The following PTPRD variants were observed in gnomAD, a reference collection of about 807,000 sequenced individuals.
The protein encoded by PTPRD is receptor-type tyrosine-protein phosphatase delta.
In PTPRD, 34 loss-of-function variants were observed where a neutral mutation model predicts 214.5. That is an observed-to-expected ratio of 0.16 (90% confidence interval 0.12 to 0.21). PTPRD has a LOEUF of 0.21. Among genes scored for constraint, PTPRD ranks in the 10% least tolerant of loss-of-function variants. The pLI is 1.00. For missense variants in PTPRD, 2,545 were observed against 2,398.7 expected (o/e 1.06, Z -1.27); for synonymous variants, 1,128 against 845.7 (o/e 1.33, Z -5.79).
At chr9:8,486,412 C>A in intron 27 of PTPRD, 63 bp from the exon 28 acceptor site, 1 of 1,356,930 alleles carries the variant, frequency 7.4e-7, no homozygotes, top group Non-Finnish European at 1.1e-6. Flanking sequence ...TCAGTCATTG[C>A]CAAATGAGGG....
At chr9:10,348,185 C>G (rs1378098368) in intron 2 of PTPRD, among the ~76,000 whole-genome samples, 1 of 152,200 alleles carries the variant, frequency 6.6e-6, no homozygotes, top group African/African-American at 2.4e-5. Context: ...CTCTCTCCTT[C>G]CCAGTTATCC....
intron 9 of PTPRD, among the ~76,000 whole-genome samples, chr9:9,237,430 TACA>T (rs1440366374): frequency 6.6e-6 from 1 of 152,010 alleles, no homozygotes; most frequent in Non-Finnish European, 1.5e-5. Context: ...ACCCTATCTT[TACA>T]ACAACACCAC....
intron 33 of PTPRD, among the ~76,000 whole-genome samples, chr9:8,450,591 G>A (rs2095898990): frequency 6.6e-6 from 1 of 152,158 alleles, no homozygotes; most frequent in South Asian, 2.1e-4. Context: ...CATTGACAGT[G>A]CCTTGTTATA....
intron 2 of PTPRD, among the ~76,000 whole-genome samples, chr9:10,595,466 C>T (rs1448926039): frequency 2.0e-5 from 3 of 151,554 alleles, no homozygotes; most frequent in Non-Finnish European, 3.0e-5. Context: ...CAAAGTAGGA[C>T]CCTTTAAAAC....
chr9:9,910,087 T>A (rs1443080966), intron 5 of PTPRD, among the ~76,000 whole-genome samples: 10 of 151,916 alleles, frequency 6.6e-5, no homozygotes, highest in Non-Finnish European at 1.5e-5. Context: ...TTTCTTGACA[T>A]CTTGGTCAAG....
At chr9:8,351,953 T>A (rs1051819642) in intron 39 of PTPRD, among the ~76,000 whole-genome samples, 12 of 151,908 alleles carry the variant, frequency 7.9e-5, no homozygotes, top group Admixed American at 2.6e-4. Context: ...TACTGAAAGA[T>A]CAGGGATGAG....
intron 3 of PTPRD, among the ~76,000 whole-genome samples, chr9:10,039,770 T>C (rs1185160091): frequency 6.6e-6 from 1 of 151,986 alleles, no homozygotes; most frequent in Non-Finnish European, 1.5e-5. Flanking sequence ...GATATATTTA[T>C]CAAATTGGAT....
Position 9,190,786 on chromosome 9 carries a change from G to A in PTPRD, c.-202-7423C>T, listed in dbSNP as rs1368691473. 3.3e-5 allele frequency among the ~76,000 whole-genome samples: 5 copies of A among 152,114 alleles called. 1 individual carries two copies. Among genetic ancestry groups the A allele is most frequent in the African/African-American group, 1.2e-4 (5 of 41,450 alleles). On this transcript the variant is annotated intron_variant, in intron 9 of 45. Coordinates refer to ENST00000381196, the MANE Select transcript of PTPRD (RefSeq NM_002839.4). Reference sequence around the variant, plus strand: ...CCCATGATAGATAAGTGGTGTGATTGAGAAATAGAACTATGTTATTCTAAG... The same window carrying A: ...CCCATGATAGATAAGTGGTGTGATTAAGAAATAGAACTATGTTATTCTAAG...
At chr9:8,862,414 A>AATTGAATTTACAAATTCAATTGT (rs1566694836) in intron 11 of PTPRD, among the ~76,000 whole-genome samples, 1 of 152,196 alleles carries the variant, frequency 6.6e-6, no homozygotes, top group Non-Finnish European at 1.5e-5. Context: ...TGTAAAGAAG[A>AATTGAATTTACAAATTCAATTGT]AAAGAAGATA....
intron 9 of PTPRD, among the ~76,000 whole-genome samples, chr9:9,300,306 A>G (rs1474473439): frequency 1.3e-5 from 2 of 151,558 alleles, no homozygotes; most frequent in South Asian, 2.1e-4. Context: ...TGTATACACT[A>G]TTTTGTATCT....
chr9:9,946,366 T>C (rs1193270588), intron 4 of PTPRD, among the ~76,000 whole-genome samples: 2 of 152,296 alleles, frequency 1.3e-5, no homozygotes, highest in South Asian at 2.1e-4. Flanking sequence ...GCACTACATA[T>C]GGCTGAAAAC....
chr9:8,543,212 C>T (rs2078946955), intron 14 of PTPRD, among the ~76,000 whole-genome samples: 1 of 152,166 alleles, frequency 6.6e-6, no homozygotes, highest in Non-Finnish European at 1.5e-5. Flanking sequence ...CAGAGCTGCT[C>T]ATTTTCGTTT....
intron 14 of PTPRD, among the ~76,000 whole-genome samples, chr9:8,617,921 G>C (rs2095665445): frequency 6.6e-6 from 1 of 152,028 alleles, no homozygotes; most frequent in South Asian, 2.1e-4. Context: ...TACCGTCTTT[G>C]AGTCTTGCTC....
At chr9:8,410,679 G>C (rs541844746) in intron 35 of PTPRD, among the ~76,000 whole-genome samples, 67 of 152,222 alleles carry the variant, frequency 4.4e-4, no homozygotes, top group African/African-American at 1.6e-3. Flanking sequence ...TCATCAAAAA[G>C]TGTTTCAGTC....
At chr9:9,774,918 C>G (rs1439681366) in intron 5 of PTPRD, among the ~76,000 whole-genome samples, 2 of 152,060 alleles carry the variant, frequency 1.3e-5, no homozygotes, top group African/African-American at 4.8e-5. Flanking sequence ...TAAGCTACAG[C>G]AACAGAAAAC....
At chr9:9,724,121 T>C (rs1036647346) in intron 7 of PTPRD, among the ~76,000 whole-genome samples, 1 of 152,166 alleles carries the variant, frequency 6.6e-6, no homozygotes, top group South Asian at 2.1e-4. Flanking sequence ...TTTGTTATTG[T>C]TGTAGCTAAA....
chr9:8,424,797 G>A (rs543085621), intron 35 of PTPRD, among the ~76,000 whole-genome samples: 2 of 152,066 alleles, frequency 1.3e-5, no homozygotes, highest in African/African-American at 4.8e-5. Context: ...GCCACTGGTT[G>A]AAGTTTAGAG....
At chr9:10,125,376 G>T (rs291301) in intron 3 of PTPRD, among the ~76,000 whole-genome samples, 114,533 of 148,234 alleles carry the variant, frequency 0.77, 44,344 homozygotes, top group Middle Eastern at 0.89. Context: ...TTTTCTTTTC[G>T]TTTTTATCTT....
chr9:9,654,591 C>A lies in PTPRD; in HGVS notation c.-286-79810G>T, dbSNP rs556575078. 1.3e-4 allele frequency among the ~76,000 whole-genome samples: 20 copies of A among 152,190 alleles called. No individual in the cohort carries two copies. In the South Asian group the frequency reaches 3.7e-3, roughly 28 times the overall value. On this transcript the variant is annotated intron_variant, in intron 7 of 45. Coordinates refer to ENST00000381196, the MANE Select transcript of PTPRD (RefSeq NM_002839.4). Reference sequence around the variant, plus strand: ...CATTACAAATCAATTACGTAAAACACTTTCATTTAAGATTGTGAATATTAT... The same window carrying A: ...CATTACAAATCAATTACGTAAAACAATTTCATTTAAGATTGTGAATATTAT...
Sources: allele counts gnomAD v4.1 joint callset (sites outside exome capture counted in the v4.1 genomes callset), GRCh38; gene constraint gnomAD v4.1.1; transcripts MANE v1.5; gene names NCBI Gene and HGNC (gene_info 2026-07-23, HGNC 2026-07-21).